Variants in PTPRD observed in about 807,000 individuals in gnomAD.
The protein encoded by PTPRD is protein tyrosine phosphatase receptor type D.
PTPRD carries 34 observed loss-of-function variants against 214.5 expected under a neutral mutation model. The observed-to-expected ratio is 0.16, with a 90% CI of 0.12 to 0.21. The LOEUF is 0.21. PTPRD is among the 10% of genes least tolerant of loss of function. PTPRD has a pLI of 1.00. For synonymous variants in PTPRD, 1,128 were observed against 845.7 expected (o/e 1.33, Z -5.79); for missense variants, 2,545 against 2,398.7 (o/e 1.06, Z -1.27).
In PTPRD at chr9:9,501,991, CA is replaced by C. The variant is rs529304391; in HGVS notation, c.-237+72740del. Among the ~76,000 whole-genome samples the C allele has an allele frequency of 2.0e-5, 3 of 151,928 alleles. No individual in the cohort carries two copies. In the East Asian group the frequency reaches 5.8e-4, roughly 30 times the overall value. Reference sequence around the variant, plus strand: ...ACCCTCTTTATTGAGGTATGATTGACATACACATAGTCTACAACTTGATGAG... The same window carrying C: ...ACCCTCTTTATTGAGGTATGATTGACTACACATAGTCTACAACTTGATGAG... On this transcript the variant is annotated intron_variant, in intron 8 of 45. Transcript: ENST00000381196.
rs142267380 is a variant in PTPRD, at chr9:8,909,510, T to A, written c.-104+109187A>T. Among the ~76,000 whole-genome samples, 351 of 152,244 alleles carry A rather than the reference T, an allele frequency of 2.3e-3. 1 individual carries two copies. Among genetic ancestry groups the A allele is most frequent in the Non-Finnish European group, 2.1e-3 (146 of 68,008 alleles). The stretch of plus-strand genomic sequence containing the variant: ...AAAAGGGCAAAGCCATATGATCATT[T>A]CAATAAGTATGAAAGAAGTTTTGAC... On this transcript the variant is annotated intron_variant, in intron 11 of 45. Coordinates refer to ENST00000381196, the MANE Select transcript of PTPRD (RefSeq NM_002839.4).
chr9:9,976,689 C>CAAAAAAAAAAAAAAAAAAAAAAAAAAAA lies in PTPRD; in HGVS notation c.-471-38080_-471-38079insTTTTTTTTTTTTTTTTTTTTTTTTTTTT, dbSNP rs869096131. ...GGTGTGAGCCACTACACCCTGCCACCAAAAAAAAAAAAAAAAAAAAAAATT... is the reference window on the plus strand; with the variant it reads ...GGTGTGAGCCACTACACCCTGCCACCAAAAAAAAAAAAAAAAAAAAAAAAAAAAAAAAAAAAAAAAAAAAAAAAAAATT... On this transcript the variant is annotated intron_variant, in intron 4 of 45. Coordinates refer to ENST00000381196, the MANE Select transcript of PTPRD (RefSeq NM_002839.4). Among the ~76,000 whole-genome samples, 110 of 63,236 alleles carry CAAAAAAAAAAAAAAAAAAAAAAAAAAAA rather than the reference C, an allele frequency of 1.7e-3. 5 individuals carry two copies. Among genetic ancestry groups the CAAAAAAAAAAAAAAAAAAAAAAAAAAAA allele is most frequent in the African/African-American group, 4.6e-3 (60 of 13,058 alleles). 41.5% of individuals were successfully genotyped at this position (63,236 alleles called of 152,430 possible).
chr9:10,475,078 G>A (rs1163820982), intron 2 of PTPRD, among the ~76,000 whole-genome samples: 1 of 152,102 alleles, frequency 6.6e-6, no homozygotes, highest in Non-Finnish European at 1.5e-5. Context: ...TAAAGAACTA[G>A]AGAAGCAAGA....
intron 10 of PTPRD, among the ~76,000 whole-genome samples, chr9:9,074,891 G>C (rs1292160026): frequency 1.3e-5 from 2 of 151,264 alleles, no homozygotes; most frequent in Non-Finnish European, 2.9e-5. Flanking sequence ...AATTTAGTTT[G>C]GGAGGTATTT....
At chr9:9,888,539 C>T (rs149976496) in intron 5 of PTPRD, among the ~76,000 whole-genome samples, 192 of 152,198 alleles carry the variant, frequency 1.3e-3, no homozygotes, top group African/African-American at 4.3e-3. Flanking sequence ...TGAGATCTAG[C>T]TCTATGAACG....
intron 4 of PTPRD, among the ~76,000 whole-genome samples, chr9:10,018,042 T>C (rs545644043): frequency 1.3e-5 from 2 of 152,254 alleles, no homozygotes; most frequent in African/African-American, 4.8e-5. Flanking sequence ...GTTTTATTTA[T>C]TGTCTTTTTC....
chr9:9,989,294 C>T, intron 4 of PTPRD, among the ~76,000 whole-genome samples: 1 of 152,084 alleles, frequency 6.6e-6, no homozygotes, highest in East Asian at 1.9e-4. Context: ...TCCTGTTTTC[C>T]CACTTGAATG....
intron 3 of PTPRD, among the ~76,000 whole-genome samples, chr9:10,103,259 C>A (rs2154216404): frequency 6.6e-6 from 1 of 150,898 alleles, no homozygotes; most frequent in Non-Finnish European, 1.5e-5. Flanking sequence ...ATCTGGAGTT[C>A]CCTTTTCATA....
At chr9:9,703,612 T>A (rs1190104328) in intron 7 of PTPRD, among the ~76,000 whole-genome samples, 5 of 152,112 alleles carry the variant, frequency 3.3e-5, no homozygotes, top group Non-Finnish European at 7.4e-5. Context: ...TTAAATAATA[T>A]TATTATATAC....
chr9:8,701,865 C>T (rs113540390), intron 12 of PTPRD, among the ~76,000 whole-genome samples: 9 of 152,046 alleles, frequency 5.9e-5, no homozygotes, highest in African/African-American at 2.2e-4. Context: ...CTAAACTATA[C>T]CTATTTTCAT....
chr9:9,538,486 C>A (rs1377922674), intron 8 of PTPRD, among the ~76,000 whole-genome samples: 1 of 151,842 alleles, frequency 6.6e-6, no homozygotes, highest in Admixed American at 6.6e-5. Context: ...TACATCAAAT[C>A]TCTGTCGTCT....
chr9:10,024,921 G>C (rs1177369672), intron 4 of PTPRD, among the ~76,000 whole-genome samples: 3 of 151,344 alleles, frequency 2.0e-5, no homozygotes, highest in African/African-American at 4.9e-5. Context: ...GAGAATGGTG[G>C]TTTCCAGCTT....
At chr9:9,634,509 C>T (rs943085300) in intron 7 of PTPRD, among the ~76,000 whole-genome samples, 10 of 152,040 alleles carry the variant, frequency 6.6e-5, no homozygotes, top group African/African-American at 2.4e-4. Flanking sequence ...AATAAATTTG[C>T]TGATTATTTA....
At chr9:10,156,809 G>A (rs1178331848) in intron 3 of PTPRD, among the ~76,000 whole-genome samples, 1 of 152,156 alleles carries the variant, frequency 6.6e-6, no homozygotes, top group Non-Finnish European at 1.5e-5. Context: ...TTATGAATCT[G>A]AGTGCTCGTA....
At chr9:10,573,139 C>G (rs904012106) in intron 2 of PTPRD, among the ~76,000 whole-genome samples, 2 of 152,054 alleles carry the variant, frequency 1.3e-5, no homozygotes, top group African/African-American at 4.8e-5. Flanking sequence ...CCTCCAACAC[C>G]TCCCCCACAA....
intron 11 of PTPRD, among the ~76,000 whole-genome samples, chr9:8,896,238 C>T (rs990366354): frequency 6.6e-6 from 1 of 152,182 alleles, no homozygotes; most frequent in Non-Finnish European, 1.5e-5. Flanking sequence ...TTTAAAAAGG[C>T]AGAGGAAGCT....
At chr9:9,143,739 C>G (rs1443072446) in intron 10 of PTPRD, among the ~76,000 whole-genome samples, 1 of 152,214 alleles carries the variant, frequency 6.6e-6, no homozygotes, top group Non-Finnish European at 1.5e-5. Flanking sequence ...AAACAGTTGA[C>G]TCATCCATCC....
rs765464134 is a variant in PTPRD at position 8,528,752 on chromosome 9, G to A, written c.380C>T (p.Thr127Ile). The A allele has an allele frequency of 6.2e-7, 1 of 1,613,418 alleles. No homozygotes were observed. The highest frequency in any genetic ancestry group is 8.5e-7 in the Non-Finnish European group (1 of 1,179,608). ...REDQIPRGFP[T>I]IDMGPQLKVV... The stretch of plus-strand genomic sequence containing the variant: ...CTTCAACTGTGGGCCCATGTCAATG[G>A]TAGGGAAGCCCCTGGGAATTTGATC... Residue 127 changes from threonine (T) to isoleucine (I), a missense_variant, in exon 15 of 46, where the codon ACC (threonine) becomes ATC (isoleucine). Coordinates refer to ENST00000381196, the MANE Select transcript of PTPRD (RefSeq NM_002839.4).
intron 3 of PTPRD, among the ~76,000 whole-genome samples, chr9:10,243,287 C>T (rs1413165449): frequency 6.6e-6 from 1 of 151,900 alleles, no homozygotes; most frequent in Non-Finnish European, 1.5e-5. Context: ...AGCATTTGGC[C>T]ACAGCTAAAG....
Sources: gnomAD v4.1 joint callset for allele counts (sites outside exome capture counted in the v4.1 genomes callset) on GRCh38, gnomAD v4.1.1 for gene constraint, MANE v1.5 for transcripts, NCBI Gene and HGNC (gene_info 2026-07-23, HGNC 2026-07-21) for gene names.